Variants in RAPGEF4 observed in about 807,000 individuals in gnomAD.
RAPGEF4 encodes the protein Rap guanine nucleotide exchange factor 4.
Under a neutral mutation model 147.9 loss-of-function variants are expected in RAPGEF4, and 66 were observed. That is an observed-to-expected ratio of 0.45 (90% CI 0.37 to 0.55). RAPGEF4 has a LOEUF of 0.55. Among genes scored for constraint, RAPGEF4 ranks in the 20% least tolerant of loss-of-function variants. The probability of loss-of-function intolerance (pLI) is 0.00; values close to 1 mark genes in which losing one functional copy is unlikely to be tolerated. For missense variants in RAPGEF4, 1,071 were observed against 1,257.3 expected, an observed-to-expected ratio of 0.85 and a Z score of 2.24; for synonymous variants, 419 against 442.7, an observed-to-expected ratio of 0.95 and a Z score of 0.67.
At chr2:172,926,356 T>G (rs1329356431) in intron 6 of RAPGEF4, among the ~76,000 whole-genome samples, 2 of 152,112 alleles carry the variant, frequency 1.3e-5, no homozygotes, top group African/African-American at 4.8e-5. Context: ...CTTATGCAGA[T>G]TGTGTTGCTT....
At chr2:173,014,766 T>C (rs1046519726) in intron 18 of RAPGEF4, 152 bp downstream of exon 18, 2 of 787,626 alleles carry the variant, frequency 2.5e-6, no homozygotes, top group Non-Finnish European at 3.7e-6. Context: ...ACAGAAAAAG[T>C]AAGGAAAAAA....
At chr2:172,788,142 T>C (rs1559041508) in intron 1 of RAPGEF4, among the ~76,000 whole-genome samples, 1 of 152,210 alleles carries the variant, frequency 6.6e-6, no homozygotes, top group Non-Finnish European at 1.5e-5. Context: ...ATGAGGGCTC[T>C]GCCCTTACGG....
chr2:172,924,361 T>C (rs183392846), intron 6 of RAPGEF4, among the ~76,000 whole-genome samples: 7 of 152,312 alleles, frequency 4.6e-5, no homozygotes, highest in Admixed American at 4.6e-4. Flanking sequence ...AATAGGAATT[T>C]AAAGTTTGCA....
At chr2:173,048,240 T>G (rs1685746822) in intron 29 of RAPGEF4, 1 of 216,872 alleles carries the variant, frequency 4.6e-6, no homozygotes, top group East Asian at 1.4e-4. Flanking sequence ...CTTCTCCACA[T>G]CTAGGATAGT....
intron 1 of RAPGEF4, among the ~76,000 whole-genome samples, chr2:172,750,679 C>G (rs998622040): frequency 6.6e-6 from 1 of 152,148 alleles, no homozygotes; most frequent in African/African-American, 2.4e-5. Flanking sequence ...AATAGCCATT[C>G]TAACAGGTGT....
At chr2:172,877,528 TAA>T (rs141097661) in intron 4 of RAPGEF4, among the ~76,000 whole-genome samples, 3 of 133,178 alleles carry the variant, frequency 2.3e-5, no homozygotes, top group Admixed American at 1.5e-4. Context: ...ACTTAAAGTA[TAA>T]AAAAAAAAAA....
chr2:172,736,120 C>G (rs1693734276), intron 1 of RAPGEF4, 72 bp downstream of exon 1: 1 of 1,227,302 alleles, frequency 8.1e-7, no homozygotes, highest in African/African-American at 1.6e-5. Flanking sequence ...CGCCGCAGCT[C>G]CGCACCTGGG....
chr2:172,817,389 T>C (rs566178686), intron 4 of RAPGEF4, among the ~76,000 whole-genome samples: 9 of 152,308 alleles, frequency 5.9e-5, no homozygotes, highest in South Asian at 4.1e-4. Flanking sequence ...GAACGCCTAT[T>C]CCTTGATATG....
intron 17 of RAPGEF4, among the ~76,000 whole-genome samples, chr2:173,002,688 C>G (rs1370160426): frequency 1.3e-5 from 2 of 150,696 alleles, no homozygotes; most frequent in Non-Finnish European, 2.9e-5. Flanking sequence ...TATAATTACC[C>G]TACCTGATTC....
rs1280301914 is a variant in RAPGEF4 at position 172,743,285 on chromosome 2, C to A, written c.65+7237C>A. On this transcript the variant is annotated intron_variant, in intron 1 of 30. Transcript: ENST00000397081. ...GGAGACAGCGAGAGATCCAGCTGAA[C>A]ATCTGACAGAAAACAATCTGGCTGA... is the stretch of plus-strand genomic sequence containing the variant. Among the ~76,000 whole-genome samples the A allele has an allele frequency of 2.6e-5, 4 of 152,122 alleles. 1 individual carries two copies. The highest frequency in any genetic ancestry group is 9.7e-5 in the African/African-American group (4 of 41,408).
intron 6 of RAPGEF4, among the ~76,000 whole-genome samples, chr2:172,937,319 A>G (rs1244558121): frequency 6.6e-6 from 1 of 152,094 alleles, no homozygotes; most frequent in Non-Finnish European, 1.5e-5. Context: ...ACCACCTCAC[A>G]TTCAGTCGCC....
intron 4 of RAPGEF4, among the ~76,000 whole-genome samples, chr2:172,886,019 C>T (rs1200515526): frequency 1.3e-5 from 2 of 152,170 alleles, no homozygotes; most frequent in Admixed American, 1.3e-4. Flanking sequence ...CTGCAAGCTG[C>T]CTTCACGCCT....
chr2:172,985,299 C>G lies in RAPGEF4; in HGVS notation c.1090-134C>G, dbSNP rs1575445408. The stretch of plus-strand genomic sequence containing the variant: ...TAGAAGTGATTTTAGATGAGAGCAG[C>G]AGCAAGAGAGGTGAGAGATGACTGC... On this transcript the variant is annotated intron_variant, in intron 11 of 30. Coordinates refer to ENST00000397081, the MANE Select transcript of RAPGEF4 (RefSeq NM_007023.4). 4 of 1,206,382 alleles carry G rather than the reference C, an allele frequency of 3.3e-6. No individual in the cohort carries two copies. The South Asian group carries it at 5.3e-5, about 16-fold the overall frequency. The allele number at this position is 1,206,382 out of a possible 1,614,324, so 74.7% of individuals were successfully genotyped here. A position where few individuals can be genotyped will look rare whatever the true frequency, so the allele number is the denominator to read the frequency against.
At chr2:172,971,771 G>C (rs1441393512) in intron 10 of RAPGEF4, among the ~76,000 whole-genome samples, 1 of 151,282 alleles carries the variant, frequency 6.6e-6, no homozygotes, top group Non-Finnish European at 1.5e-5. Context: ...TTTTTGATCT[G>C]CTAATAATCT....
At position 172,918,006 on chromosome 2, in the gene RAPGEF4, GC is replaced by G. The variant is rs767072512; in HGVS notation, c.517+134del. ...GACTCTTTTGTGGATAAACAAACCT[GC>G]CAGCTCACACTGGAGATATTTTTAA... On this transcript the variant is annotated intron_variant, in intron 5 of 30. Coordinates refer to ENST00000397081, the MANE Select transcript of RAPGEF4 (RefSeq NM_007023.4). 92 of 806,718 alleles carry G rather than the reference GC, an allele frequency of 1.1e-4. No individual in the cohort carries two copies. The African/African-American group carries it at 1.2e-3, about 11-fold the overall frequency. 50.0% of individuals were successfully genotyped at this position (806,718 alleles called of 1,614,324 possible).
chr2:173,001,845 C>G (rs944755254), intron 17 of RAPGEF4, among the ~76,000 whole-genome samples: 1 of 151,734 alleles, frequency 6.6e-6, no homozygotes, highest in African/African-American at 2.4e-5. Context: ...GGGGTCCACC[C>G]CCATGAACCA....
At chr2:172,918,013 C>T in intron 5 of RAPGEF4, 139 bp downstream of exon 5, 1 of 788,302 alleles carries the variant, frequency 1.3e-6, no homozygotes. Flanking sequence ...CCTGCCAGCT[C>T]ACACTGGAGA....
chr2:172,776,804 A>T (rs1266847131), intron 1 of RAPGEF4, among the ~76,000 whole-genome samples: 1 of 151,958 alleles, frequency 6.6e-6, no homozygotes, highest in Non-Finnish European at 1.5e-5. Flanking sequence ...TATTTACTTC[A>T]CTACTGATAT....
chr2:172,939,333 T>C (rs1686915090), intron 6 of RAPGEF4, among the ~76,000 whole-genome samples: 1 of 152,190 alleles, frequency 6.6e-6, no homozygotes, highest in Non-Finnish European at 1.5e-5. Flanking sequence ...GTATTGTCAG[T>C]TTTTTAAAGC....
Sources: allele counts gnomAD v4.1 joint callset (sites outside exome capture counted in the v4.1 genomes callset), GRCh38; gene constraint gnomAD v4.1.1; transcripts MANE v1.5; gene names NCBI Gene and HGNC (gene_info 2026-07-23, HGNC 2026-07-21).